The following RBFOX1 variants were observed in gnomAD, a reference collection of about 807,000 sequenced individuals.
The protein encoded by RBFOX1 is RNA binding protein fox-1 homolog 1.
RBFOX1 carries 8 observed loss-of-function variants against 57.7 expected under a neutral mutation model. The ratio of observed to expected loss-of-function variants is 0.14; its 90% CI spans 0.08 to 0.25. The LOEUF (loss-of-function observed/expected upper bound fraction) is 0.25, where lower values mean the gene tolerates loss of function less well. Among genes scored for constraint, RBFOX1 ranks in the 10% least tolerant of loss-of-function variants. The pLI, the probability that RBFOX1 is intolerant of heterozygous loss-of-function variation, is 1.00. For synonymous variants in RBFOX1, 326 were observed against 222.4 expected (o/e 1.47, Z -4.15); for missense variants, 611 against 548.5 (o/e 1.11, Z -1.14).
At chr16:5,686,954 A>G (rs2050523370) in intron 3 of RBFOX1, among the ~76,000 whole-genome samples, 1 of 152,144 alleles carries the variant, frequency 6.6e-6, no homozygotes, top group Non-Finnish European at 1.5e-5. Context: ...TTTGTAGAAA[A>G]TTCAGAAATA....
rs76097836 is a variant in RBFOX1 at position 5,380,637 on chromosome 16, T to C, written c.220-86579T>C. On this transcript the variant is annotated intron_variant, in intron 1 of 2. Transcript: ENST00000585867. ...AGAGCTAAGCATTTTTTAGGCATTATTACATTTCATCCTTAAACAGATATT... is the reference window on the plus strand; with the variant it reads ...AGAGCTAAGCATTTTTTAGGCATTACTACATTTCATCCTTAAACAGATATT... Among the ~76,000 whole-genome samples the C allele has an allele frequency of 3.2e-4, 49 of 152,308 alleles. 1 individual carries two copies. The East Asian group carries it at 8.3e-3, about 26-fold the overall frequency.
chr16:6,513,445 A>C (rs1000474441), intron 2 of RBFOX1, among the ~76,000 whole-genome samples: 1 of 152,084 alleles, frequency 6.6e-6, no homozygotes, highest in African/African-American at 2.4e-5. Context: ...AAGTTTGGAG[A>C]CCATGAGGCC....
At chr16:7,314,751 G>A (rs2096399217) in intron 4 of RBFOX1, among the ~76,000 whole-genome samples, 1 of 152,146 alleles carries the variant, frequency 6.6e-6, no homozygotes, top group African/African-American at 2.4e-5. Context: ...GGGAGAGGGC[G>A]AGTTGACTGT....
At chr16:6,878,340 C>G (rs142284179) in intron 3 of RBFOX1, among the ~76,000 whole-genome samples, 10 of 152,226 alleles carry the variant, frequency 6.6e-5, no homozygotes, top group African/African-American at 2.4e-4. Context: ...CATTTTATTG[C>G]TGATGCAAGA....
intron 1 of RBFOX1, among the ~76,000 whole-genome samples, chr16:6,039,347 GAA>G (rs58081772): frequency 0.02 from 2,764 of 136,264 alleles, 34 homozygotes; most frequent in African/African-American, 0.036. Context: ...CTGCTTTCTG[GAA>G]AAAAAAAAAA....
intron 1 of RBFOX1, among the ~76,000 whole-genome samples, chr16:5,431,246 A>T (rs999299754): frequency 2.6e-5 from 4 of 152,224 alleles, no homozygotes; most frequent in Non-Finnish European, 5.9e-5. Context: ...AAAGTTCTGA[A>T]TGGCACAAAC....
intron 2 of RBFOX1, among the ~76,000 whole-genome samples, chr16:6,391,139 A>C (rs760494332): frequency 2.6e-5 from 4 of 152,160 alleles, no homozygotes; most frequent in Non-Finnish European, 5.9e-5. Flanking sequence ...AAAACCACTG[A>C]AATTGGCCTT....
intron 1 of RBFOX1, among the ~76,000 whole-genome samples, chr16:5,390,610 C>A (rs1396004877): frequency 1.3e-5 from 2 of 152,070 alleles, no homozygotes; most frequent in East Asian, 1.9e-4. Context: ...TTTTAAATGT[C>A]ACAATATATC....
chr16:5,944,649 G>A (rs1445961789), intron 4 of RBFOX1, among the ~76,000 whole-genome samples: 1 of 151,610 alleles, frequency 6.6e-6, no homozygotes, highest in East Asian at 1.9e-4. Flanking sequence ...ACCTTTGGAA[G>A]TCCCTTAAGA....
chr16:6,848,757 C>G (rs1174647905), intron 3 of RBFOX1, among the ~76,000 whole-genome samples: 1 of 151,942 alleles, frequency 6.6e-6, no homozygotes, highest in Non-Finnish European at 1.5e-5. Flanking sequence ...AGTCACATTG[C>G]CAAGTAGAAG....
At chr16:6,364,567 G>C (rs116048910) in intron 2 of RBFOX1, among the ~76,000 whole-genome samples, 3,146 of 152,316 alleles carry the variant, frequency 0.021, 58 homozygotes, top group African/African-American at 0.052. Flanking sequence ...ACATGTGCGT[G>C]TGTGCAGGCA....
chr16:7,598,953 A>G (rs1437801645), intron 9 of RBFOX1, among the ~76,000 whole-genome samples: 1 of 152,168 alleles, frequency 6.6e-6, no homozygotes, highest in African/African-American at 2.4e-5. Flanking sequence ...AGTGACTACC[A>G]ATTTGACAGT....
chr16:7,408,287 C>T (rs1226938419), intron 4 of RBFOX1, among the ~76,000 whole-genome samples: 1 of 152,120 alleles, frequency 6.6e-6, no homozygotes, highest in Middle Eastern at 3.2e-3. Flanking sequence ...AATTGTGCTT[C>T]ACTGCAGTGA....
intron 1 of RBFOX1, among the ~76,000 whole-genome samples, chr16:6,271,372 C>G (rs940210490): frequency 3.9e-5 from 6 of 152,068 alleles, no homozygotes; most frequent in Non-Finnish European, 8.8e-5. Context: ...TGCAGTGAGT[C>G]GAGAGTGACC....
At chr16:6,328,739 C>CT (rs5815298) in intron 2 of RBFOX1, among the ~76,000 whole-genome samples, 25,255 of 151,968 alleles carry the variant, frequency 0.17, 2,581 homozygotes, top group South Asian at 0.28. Flanking sequence ...ATAAAAATTC[C>CT]TTTTTGGGAG....
At chr16:6,682,268 C>CA (rs1211685940) in intron 3 of RBFOX1, among the ~76,000 whole-genome samples, 5 of 152,202 alleles carry the variant, frequency 3.3e-5, no homozygotes, top group Admixed American at 3.3e-4. Context: ...AGGAAGCACA[C>CA]AGCCCTGCCT....
At chr16:5,992,658 G>C (rs527788571) in intron 4 of RBFOX1, among the ~76,000 whole-genome samples, 127 of 152,324 alleles carry the variant, frequency 8.3e-4, no homozygotes, top group Non-Finnish European at 1.5e-3. Context: ...TTGTGGTCAG[G>C]CGTGGTGGCT....
chr16:6,463,933 C>G (rs994381800), intron 2 of RBFOX1, among the ~76,000 whole-genome samples: 1 of 151,976 alleles, frequency 6.6e-6, no homozygotes, highest in Non-Finnish European at 1.5e-5. Context: ...ATAGTTTATC[C>G]TCCCAGAGAG....
chr16:7,049,721 G>C (rs549849200), intron 3 of RBFOX1, among the ~76,000 whole-genome samples: 14 of 152,170 alleles, frequency 9.2e-5, no homozygotes, highest in African/African-American at 3.4e-4. Flanking sequence ...AATTTTCAGA[G>C]ATCTCAAATA....
Sources: allele counts gnomAD v4.1 joint callset (sites outside exome capture counted in the v4.1 genomes callset), GRCh38; gene constraint gnomAD v4.1.1; transcripts MANE v1.5; gene names NCBI Gene and HGNC (gene_info 2026-07-23, HGNC 2026-07-21).